The following AFP variants were observed in gnomAD, a reference collection of about 807,000 sequenced individuals.
AFP encodes alpha-fetoprotein.
AFP carries 64 observed loss-of-function variants against 78.9 expected under a neutral mutation model. The ratio of observed to expected loss-of-function variants is 0.81; its 90% CI spans 0.66 to 1.00. The LOEUF (loss-of-function observed/expected upper bound fraction) is 1.00. Ranked by LOEUF, AFP falls within the 50% of genes least tolerant of loss-of-function variation. The pLI, the probability that AFP is intolerant of heterozygous loss-of-function variation, is 0.00. For synonymous variants in AFP, 254 were observed against 243.8 expected (o/e 1.04, Z -0.39); for missense variants, 689 against 703.8 (o/e 0.98, Z 0.24).
intron 13 of AFP, 76 bp downstream of exon 13, chr4:73,453,973 C>T (rs1226325947): frequency 6.5e-7 from 1 of 1,545,276 alleles, no homozygotes; most frequent in Non-Finnish European, 8.9e-7. Flanking sequence ...GAAGACCCTA[C>T]AAATTTATAA....
Position 73,445,080 on chromosome 4 carries a change from G to A in AFP, c.801G>A (p.Glu267=), listed in dbSNP as rs1486585359. The A allele has an allele frequency of 6.2e-7, 1 of 1,613,964 alleles. No individual in the cohort carries two copies. The highest frequency in any genetic ancestry group is 1.7e-5 in the Admixed American group (1 of 60,008). ...TCCTGGATGTGGCCCATGTACATGA[G>A]CACTGTTGCAGAGGAGATGTGCTGG... ...KLVLDVAHVH[E]HCCRGDVLDC... is the part of the protein sequence containing the mutation. Residue 267 remains glutamate, a synonymous_variant, in exon 7 of 15, where the codon GAG becomes GAA. Transcript: ENST00000395792.
At position 73,450,277 on chromosome 4, in the gene AFP, A is replaced by G. The variant is rs1401098140; in HGVS notation, c.1289+144A>G. On this transcript the variant is annotated intron_variant, in intron 10 of 14. Transcript: ENST00000395792. ...GACTTTAAGTTCCCCATACTGTGCA[A>G]ATTTTTGCAGTAAAGATATCCATTC... The G allele has an allele frequency of 4.1e-6, 3 of 733,810 alleles. No individual in the cohort carries two copies. The South Asian group carries it at 5.4e-5, about 13-fold the overall frequency. 45.5% of individuals were successfully genotyped at this position (733,810 alleles called of 1,614,324 possible). A position where few individuals can be genotyped will look rare whatever the true frequency, so the allele number is the denominator to read the frequency against.
Position 73,447,502 on chromosome 4 carries a change from T to G in AFP, c.884T>G (p.Leu295Arg). The G allele has an allele frequency of 6.2e-7, 1 of 1,612,192 alleles. No homozygotes were observed. The highest frequency in any genetic ancestry group is 8.5e-7 in the Non-Finnish European group (1 of 1,179,376). The stretch of plus-strand genomic sequence containing the variant: ...TACATATGTTCTCAACAAGACACTC[T>G]GTCAAACAAAATAACAGAATGCTGC... Reference protein sequence around the residue: ...MSYICSQQDTLSNKITECCKL... With the variant: ...MSYICSQQDTRSNKITECCKL... The change falls in exon 8 of 15, where the codon CTG becomes CGG. Residue 295 changes from leucine (L) to arginine (R), a missense_variant. Leu to Arg is a moderately radical substitution (Grantham distance 102, BLOSUM62 -2). Coordinates refer to ENST00000395792, the MANE Select transcript of AFP (RefSeq NM_001134.3).
chr4:73,453,275 C>A (rs1720059610), intron 12 of AFP, among the ~76,000 whole-genome samples: 1 of 152,330 alleles, frequency 6.6e-6, no homozygotes, highest in Admixed American at 6.5e-5. Flanking sequence ...GTTGCCTGTT[C>A]TGGCAAGCTT....
At chr4:73,454,243 G>A (rs1233825168) in intron 13 of AFP, among the ~76,000 whole-genome samples, 1 of 152,004 alleles carries the variant, frequency 6.6e-6, no homozygotes, top group Non-Finnish European at 1.5e-5. Flanking sequence ...GGATTTAATA[G>A]CAAATTAATT....
At chr4:73,438,825 A>G (rs928270099) in intron 3 of AFP, among the ~76,000 whole-genome samples, 4 of 152,138 alleles carry the variant, frequency 2.6e-5, no homozygotes, top group Admixed American at 6.5e-5. Flanking sequence ...TGGGCAGGAT[A>G]TCAGCTTTGC....
chr4:73,440,882 T>A (rs1719641386), intron 4 of AFP, 69 bp downstream of exon 4: 1 of 1,425,052 alleles, frequency 7.0e-7, no homozygotes, highest in African/African-American at 1.4e-5. Context: ...ATTTAGTATT[T>A]TTGCAATGTA....
chr4:73,452,869 A>C (rs1720044876), intron 12 of AFP, among the ~76,000 whole-genome samples: 1 of 152,178 alleles, frequency 6.6e-6, no homozygotes, highest in Admixed American at 6.5e-5. Flanking sequence ...TGTAACTGTT[A>C]TTGTGATATG....
intron 8 of AFP, among the ~76,000 whole-genome samples, chr4:73,448,248 G>T (rs769586940): frequency 2.0e-5 from 3 of 152,036 alleles, no homozygotes; most frequent in Non-Finnish European, 4.4e-5. Flanking sequence ...CAACTGATAG[G>T]TCACGTTCTC....
intron 8 of AFP, among the ~76,000 whole-genome samples, chr4:73,448,575 G>A (rs1250141841): frequency 6.6e-6 from 1 of 152,138 alleles, no homozygotes; most frequent in African/African-American, 2.4e-5. Flanking sequence ...GAGACACATA[G>A]TGACAACTGA....
rs1560399137 is a variant in AFP, at chr4:73,455,239, C to T, written c.1789C>T (p.Gln597Ter). The T allele has an allele frequency of 1.2e-6, 2 of 1,610,964 alleles. No homozygotes were observed. Among genetic ancestry groups the T allele is most frequent in the South Asian group, 2.2e-5 (2 of 91,018 alleles). ...TATGTTTATTCTTAATTTTCAGGGA[C>T]AAAAACTGATTTCAAAAACTCGTGC... ...EQEVCFAEEG[Q>*]KLISKTRAAL... Residue 597 changes from glutamine (Q) to a stop codon, truncating the protein, a stop_gained, in exon 14 of 15, where the codon CAA (glutamine) becomes TAA (stop). Transcript: ENST00000395792. LOFTEE classifies it high-confidence loss of function.
At chr4:73,436,389 A>C (rs1488836473) in intron 1 of AFP, 42 bp downstream of exon 1, 2 of 1,130,116 alleles carry the variant, frequency 1.8e-6, no homozygotes, top group Non-Finnish European at 2.6e-6. Flanking sequence ...TCTATATCAA[A>C]ATTTTTTAAA....
rs562407615 is a variant in AFP at position 73,437,517 on chromosome 4, A to G, written c.137+306A>G. Among the ~76,000 whole-genome samples the G allele has an allele frequency of 1.2e-4, 18 of 152,192 alleles. No homozygotes were observed. The South Asian group carries it at 2.3e-3, about 19-fold the overall frequency. ...TAATTCAGGAATTTTTCTCATCAGT[A>G]CCAACAGGGTGATATTATAATGTTT... On this transcript the variant is annotated intron_variant, in intron 2 of 14. Transcript: ENST00000395792.
rs781592078 is a variant in AFP, at chr4:73,443,429, G to T, written c.698G>T (p.Arg233Leu). Residue 233 changes from arginine to leucine, a missense_variant, in exon 6 of 15, where the codon CGA becomes CTA. Arg to Leu is a moderately radical substitution (Grantham distance 102). Coordinates refer to ENST00000395792, the MANE Select transcript of AFP (RefSeq NM_001134.3). ...GCAGTAATGAAAAATTTTGGGACCCGAACTTTCCAAGCCATGTAAGTTCAA... is the reference window on the plus strand; with the variant it reads ...GCAGTAATGAAAAATTTTGGGACCCTAACTTTCCAAGCCATGTAAGTTCAA... ...ACAVMKNFGT[R>L]TFQAITVTKL... The T allele has an allele frequency of 6.2e-7, 1 of 1,609,864 alleles. No individual in the cohort carries two copies. Among genetic ancestry groups the T allele is most frequent in the Non-Finnish European group, 8.5e-7 (1 of 1,176,278 alleles).
chr4:73,453,925 A>G (rs755681836), intron 13 of AFP, 28 bp downstream of exon 13: 7 of 1,612,998 alleles, frequency 4.3e-6, no homozygotes, highest in Non-Finnish European at 5.9e-6. Context: ...CATACTCAAA[A>G]TACTTGCTAT....
At chr4:73,452,681 A>C in intron 12 of AFP, 57 bp downstream of exon 12, 2 of 1,370,452 alleles carry the variant, frequency 1.5e-6, no homozygotes, top group Non-Finnish European at 2.1e-6. Context: ...AGAGTAACTG[A>C]GACTTCTACC....
chr4:73,444,584 C>T (rs985436698), intron 6 of AFP, among the ~76,000 whole-genome samples: 3 of 152,134 alleles, frequency 2.0e-5, no homozygotes, highest in African/African-American at 4.8e-5. Context: ...CGCCTCCTTT[C>T]CTGGATTCTC....
At chr4:73,440,163 GTAT>G (rs1379317760) in intron 3 of AFP, among the ~76,000 whole-genome samples, 2 of 151,994 alleles carry the variant, frequency 1.3e-5, no homozygotes, top group African/African-American at 2.4e-5. Flanking sequence ...TGTTGCCTGG[GTAT>G]TAAGCCCAGC....
chr4:73,447,608 A>C lies in AFP; in HGVS notation c.990A>C (p.Leu330=). 1 of 1,612,058 alleles carries C rather than the reference A, an allele frequency of 6.2e-7. No homozygotes were observed. The highest frequency in any genetic ancestry group is 8.5e-7 in the Non-Finnish European group (1 of 1,179,642). ...AACCTGAAGGTCTATCTCCAAATCTAAACAGGTTTTTAGGAGATAGAGATT... is the reference window on the plus strand; with the variant it reads ...AACCTGAAGGTCTATCTCCAAATCTCAACAGGTTTTTAGGAGATAGAGATT... The part of the protein sequence containing the change: ...DEKPEGLSPN[L]NRFLGDRDFN... Residue 330 remains leucine (L), a synonymous_variant, in exon 8 of 15, where the codon CTA becomes CTC. Transcript: ENST00000395792.
Sources: gnomAD v4.1 joint callset for allele counts (sites outside exome capture counted in the v4.1 genomes callset) on GRCh38, gnomAD v4.1.1 for gene constraint, MANE v1.5 for transcripts, NCBI Gene and HGNC (gene_info 2026-07-23, HGNC 2026-07-21) for gene names.